WNK1: variants seen among roughly 807,000 people sequenced by gnomAD.
The protein encoded by WNK1 is WNK lysine deficient protein kinase 1.
In WNK1, 38 loss-of-function variants were observed where a neutral mutation model predicts 222.8. That is an observed-to-expected ratio of 0.17 (90% CI 0.13 to 0.22). WNK1 has a LOEUF of 0.22. Ranked by LOEUF, WNK1 falls within the 10% of genes least tolerant of loss-of-function variation. The probability of loss-of-function intolerance (pLI) is 1.00; values close to 1 mark genes in which losing one functional copy is unlikely to be tolerated. For synonymous variants in WNK1, 1,090 were observed against 1,092.9 expected (o/e 1.00, Z 0.05); for missense variants, 2,348 against 2,918.4 (o/e 0.80, Z 4.50).
intron 1 of WNK1, among the ~76,000 whole-genome samples, chr12:790,980 C>A (rs1326167479): frequency 6.6e-6 from 1 of 151,962 alleles, no homozygotes; most frequent in Non-Finnish European, 1.5e-5. Flanking sequence ...TGAATTATAG[C>A]TGTAGTGAAA....
intron 23 of WNK1, among the ~76,000 whole-genome samples, chr12:894,977 T>C (rs1381802416): frequency 6.6e-6 from 1 of 152,222 alleles, no homozygotes; most frequent in South Asian, 2.1e-4. Flanking sequence ...TACAGCTTTT[T>C]TTCCCATCCA....
intron 1 of WNK1, among the ~76,000 whole-genome samples, chr12:782,685 A>G (rs1201117198): frequency 1.3e-5 from 2 of 151,812 alleles, no homozygotes; most frequent in South Asian, 2.1e-4. Context: ...TTATATTTTT[A>G]TAGAGACGGG....
At chr12:772,477 G>A (rs1942645263) in intron 1 of WNK1, among the ~76,000 whole-genome samples, 1 of 151,880 alleles carries the variant, frequency 6.6e-6, no homozygotes, top group Admixed American at 6.6e-5. Context: ...ATGTATGTAT[G>A]TATGCCACCA....
chr12:800,652 CTG>C (rs1025031968), intron 1 of WNK1, among the ~76,000 whole-genome samples: 1 of 152,062 alleles, frequency 6.6e-6, no homozygotes, highest in African/African-American at 2.4e-5. Context: ...TAGGCAAACT[CTG>C]TATTTAGAGT....
chr12:805,044 CATT>C (rs1946250653), intron 1 of WNK1, among the ~76,000 whole-genome samples: 1 of 151,058 alleles, frequency 6.6e-6, no homozygotes, highest in Non-Finnish European at 1.5e-5. Flanking sequence ...ACACTTGGGT[CATT>C]GTACCCTTTG....
At chr12:758,111 A>ACCTTC (rs1940447918) in intron 1 of WNK1, among the ~76,000 whole-genome samples, 1 of 145,838 alleles carries the variant, frequency 6.9e-6, no homozygotes, top group Non-Finnish European at 1.5e-5. Flanking sequence ...TATTTTAAGC[A>ACCTTC]CCTTCCCAAG....
At position 885,906 on chromosome 12, in the gene WNK1, A is replaced by G. The variant is rs1394979841; in HGVS notation, c.5102A>G (p.Lys1701Arg). The G allele has an allele frequency of 1.9e-6, 3 of 1,608,774 alleles. No homozygotes were observed. Among genetic ancestry groups the G allele is most frequent in the South Asian group, 2.2e-5 (2 of 90,748 alleles). The change falls in exon 19 of 28, where the codon AAA becomes AGA. Residue 1701 changes from lysine (K) to arginine (R), a missense_variant. By Grantham distance (26) the Lys-to-Arg change is conservative. Transcript: ENST00000315939. ...GIPTTAVAPS[K>R]LLTSTTSTCL... Reference sequence around the variant, plus strand: ...CCAACTACTGCTGTTGCACCAAGCAAACTCCTGACTTCTACCACAAGTACT... The same window carrying G: ...CCAACTACTGCTGTTGCACCAAGCAGACTCCTGACTTCTACCACAAGTACT...
rs369511479 is a variant in WNK1 at position 884,791 on chromosome 12, A to C, written c.3987A>C (p.Thr1329=). The C allele has an allele frequency of 6.8e-6, 11 of 1,614,090 alleles. No individual in the cohort carries two copies. The African/African-American group carries it at 1.3e-4, about 20-fold the overall frequency. ...PNTAPPNFSH[T]GPTFPVVPPF... is the part of the protein sequence containing the mutation. ...CAGCACCTCCAAACTTTAGTCATAC[A>C]GGACCAACATTTCCAGTAGTACCTC... Residue 1329 remains threonine, a synonymous_variant, in exon 19 of 28, where the codon ACA becomes ACC. Transcript: ENST00000315939. The surrounding 1 kb of genome is among the most constrained non-coding windows in gnomAD (Gnocchi z 5.6).
At position 882,953 on chromosome 12, in the gene WNK1, A is replaced by G. The variant is rs559042317; in HGVS notation, c.3383A>G (p.Lys1128Arg). Residue 1128 changes from lysine (K) to arginine (R), a missense_variant, in exon 15 of 28, where the codon AAA (lysine) becomes AGA (arginine). Transcript: ENST00000315939. ...PKLRILNVSN[K>R]GDRVVECQLE... ...CTTTTTTCTTTTTAGGTTTCAAATA[A>G]AGGAGACCGAGTAGTAGAATGTCAA... The G allele has an allele frequency of 2.5e-6, 4 of 1,608,450 alleles. No individual in the cohort carries two copies. The South Asian group carries it at 4.4e-5, about 18-fold the overall frequency.
chr12:844,303 C>T (rs1164645111), intron 4 of WNK1, among the ~76,000 whole-genome samples: 1 of 152,008 alleles, frequency 6.6e-6, no homozygotes, highest in Non-Finnish European at 1.5e-5. Flanking sequence ...AGCCGGCTAA[C>T]ATGTATTTTC....
At chr12:901,717 G>T (rs757343368) in intron 26 of WNK1, 1 of 948,038 alleles carries the variant, frequency 1.1e-6, no homozygotes, top group Non-Finnish European at 1.5e-6. Flanking sequence ...GATGTTTCAC[G>T]CAGTCCATTT....
chr12:776,454 A>G (rs1943109475), intron 1 of WNK1, among the ~76,000 whole-genome samples: 1 of 99,996 alleles, frequency 1.0e-5, no homozygotes, highest in African/African-American at 3.0e-5. Context: ...GTTTCTTGAG[A>G]TGGAGTCTCG....
At position 878,316 on chromosome 12, in the gene WNK1, G is replaced by T. The variant is rs1012729; in HGVS notation, c.2328G>T (p.Gln776His). The T allele has an allele frequency of 2.0e-5, 32 of 1,613,688 alleles. No homozygotes were observed. Among genetic ancestry groups the T allele is most frequent in the Non-Finnish European group, 2.7e-5 (32 of 1,179,948 alleles). The change falls in exon 10 of 28, where the codon CAG becomes CAT. Residue 776 changes from glutamine to histidine, a missense_variant. This residue lies in a region of WNK1 where 547 missense variants were observed against 558.3 expected (regional missense o/e 0.98). Transcript: ENST00000315939. ...CCACTACTGCACAGCCAGTGAGTCA[G>T]CCTCAAGCTCCACAAGTCTTGCCTC... The part of the protein sequence containing the change: ...SEATTAQPVS[Q>H]PQAPQVLPQV...
At chr12:835,306 C>T (rs1334491050) in intron 4 of WNK1, among the ~76,000 whole-genome samples, 2 of 151,800 alleles carry the variant, frequency 1.3e-5, no homozygotes, top group Non-Finnish European at 2.9e-5. Context: ...CCATTGCACT[C>T]GAGCCTGGAC....
chr12:857,059 G>A (rs748714289), intron 4 of WNK1, 102 bp from the exon 5 acceptor site: 77 of 1,233,878 alleles, frequency 6.2e-5, no homozygotes, highest in Non-Finnish European at 8.0e-5. Flanking sequence ...AAAAAAAGCC[G>A]GGATAGTAAG....
chr12:766,623 C>A (rs193281258), intron 1 of WNK1, among the ~76,000 whole-genome samples: 1 of 148,906 alleles, frequency 6.7e-6, no homozygotes, highest in Non-Finnish European at 1.5e-5. Flanking sequence ...GGACTACAGG[C>A]GCGCACCACC....
At chr12:779,180 G>A (rs1391706478) in intron 1 of WNK1, among the ~76,000 whole-genome samples, 2 of 152,096 alleles carry the variant, frequency 1.3e-5, no homozygotes, top group African/African-American at 4.8e-5. Context: ...GTTGAATAAT[G>A]TACTCATTTT....
chr12:838,168 A>G (rs888763324), intron 4 of WNK1, among the ~76,000 whole-genome samples: 22 of 152,028 alleles, frequency 1.4e-4, no homozygotes, highest in African/African-American at 4.6e-4. Flanking sequence ...GACTGTTCCT[A>G]CCATTGGCTG....
In WNK1 at chr12:889,155, G is replaced by C. The variant is rs1274945516; in HGVS notation, c.5380G>C (p.Glu1794Gln). The C allele has an allele frequency of 7.4e-6, 12 of 1,613,978 alleles. No homozygotes were observed. Among genetic ancestry groups the C allele is most frequent in the East Asian group, 2.2e-5 (1 of 44,870 alleles). Residue 1794 changes from glutamate (E) to glutamine (Q), a missense_variant, in exon 21 of 28, where the codon GAG becomes CAG. This residue lies in a region of WNK1 where 1,144 missense variants were observed against 1,273.6 expected (regional missense o/e 0.90). Coordinates refer to ENST00000315939, the MANE Select transcript of WNK1 (RefSeq NM_018979.4). ...PSLTQSQQPLEDLDAQLRRTL... is the reference protein window; with the variant it reads ...PSLTQSQQPLQDLDAQLRRTL... ...TTTCATTCAGTCCCAGCAACCTCTA[G>C]AGGATCTTGATGCTCAATTGAGAAG...
Sources: allele counts gnomAD v4.1 joint callset (sites outside exome capture counted in the v4.1 genomes callset), GRCh38; gene constraint gnomAD v4.1.1; regional missense constraint gnomAD v4.1.1; non-coding constraint Gnocchi (gnomAD v3.1); transcripts MANE v1.5; gene names NCBI Gene and HGNC (gene_info 2026-07-23, HGNC 2026-07-21).